The following GNB4 variants were observed in gnomAD, a reference collection of about 807,000 sequenced individuals.
GNB4 encodes guanine nucleotide-binding protein subunit beta-4.
Under a neutral mutation model 45.2 loss-of-function variants are expected in GNB4, and 28 were observed. The observed-to-expected ratio is 0.62, with a 90% confidence interval of 0.46 to 0.85. The LOEUF (loss-of-function observed/expected upper bound fraction) is 0.85. GNB4 is among the 40% of genes least tolerant of loss of function. GNB4 has a pLI of 0.00. For missense variants in GNB4, 321 were observed against 425.4 expected, an observed-to-expected ratio of 0.75 and a Z score of 2.16; for synonymous variants, 132 against 143.7, an observed-to-expected ratio of 0.92 and a Z score of 0.58.
intron 5 of GNB4, 149 bp from the exon 6 acceptor site, chr3:179,415,196 A>G (rs1467786793): frequency 9.1e-6 from 5 of 551,932 alleles, no homozygotes; most frequent in Non-Finnish European, 1.4e-5. Flanking sequence ...GAGAAAGTGA[A>G]CCATGAAAAA....
chr3:179,464,839 G>A, the GNB4 span: 1 of 1,333,582 alleles, frequency 7.5e-7, no homozygotes, highest in South Asian at 1.2e-5. Context: ...CAGGGCGAAT[G>A]TGTTTGGACC....
chr3:179,522,116 C>T, the GNB4 span, among the ~76,000 whole-genome samples: 2 of 152,142 alleles, frequency 1.3e-5, no homozygotes, highest in African/African-American at 4.8e-5. Context: ...GCCATCATAT[C>T]CCCTGTGACC....
chr3:179,468,035 A>AAAAAAAAAAAAAAAAAT, the GNB4 span, among the ~76,000 whole-genome samples: 1 of 89,866 alleles, frequency 1.1e-5, no homozygotes. Context: ...TGTTGATAAA[A>AAAAAAAAAAAAAAAAAT]ATATATATAT....
chr3:179,424,354 A>G (rs1017709408), intron 2 of GNB4, among the ~76,000 whole-genome samples: 12 of 152,234 alleles, frequency 7.9e-5, no homozygotes, highest in African/African-American at 2.9e-4. Context: ...TCGAATTCAG[A>G]GATGAGTCTG....
At chr3:179,509,764 G>A in the GNB4 span, among the ~76,000 whole-genome samples, 1 of 151,378 alleles carries the variant, frequency 6.6e-6, no homozygotes, top group Non-Finnish European at 1.5e-5. Context: ...CCCTGCAGAT[G>A]TGTTTTTGTA....
At chr3:179,420,525 C>G (rs1367809911) in intron 3 of GNB4, among the ~76,000 whole-genome samples, 1 of 150,874 alleles carries the variant, frequency 6.6e-6, no homozygotes, top group East Asian at 1.9e-4. Context: ...TACAATGGTG[C>G]GATCTCAGCT....
chr3:179,524,323 C>T, the GNB4 span, among the ~76,000 whole-genome samples: 2 of 152,102 alleles, frequency 1.3e-5, no homozygotes, highest in Non-Finnish European at 2.9e-5. Context: ...ACACAGATGG[C>T]ACATGGCTTG....
the GNB4 span, among the ~76,000 whole-genome samples, chr3:179,518,028 C>T: frequency 1.3e-5 from 2 of 151,838 alleles, no homozygotes; most frequent in African/African-American, 2.4e-5. Flanking sequence ...AAGCACCCCC[C>T]ATCCCTTCTC....
intron 4 of GNB4, 54 bp downstream of exon 4, chr3:179,419,345 A>T: frequency 9.4e-7 from 1 of 1,068,568 alleles, no homozygotes; most frequent in Non-Finnish European, 1.5e-6. Flanking sequence ...GATGGTTCTT[A>T]ATGAAAATAA....
At chr3:179,430,659 G>T (rs1232113849) in intron 1 of GNB4, among the ~76,000 whole-genome samples, 7 of 133,792 alleles carry the variant, frequency 5.2e-5, no homozygotes, top group African/African-American at 1.2e-4. Context: ...GTCTTGCTAT[G>T]TTGCCCAGGC....
chr3:179,465,405 C>T, the GNB4 span: 158 of 544,016 alleles, frequency 2.9e-4, no homozygotes, highest in African/African-American at 2.8e-3. Context: ...AAACGGAGAC[C>T]ATCCTGGCTA....
the GNB4 span, among the ~76,000 whole-genome samples, chr3:179,523,535 T>C: frequency 6.6e-6 from 1 of 152,142 alleles, no homozygotes; most frequent in East Asian, 1.9e-4. Flanking sequence ...GATCCTGAAC[T>C]AACTTGTAAG....
intron 7 of GNB4, 51 bp from the exon 8 acceptor site, chr3:179,413,664 C>G: frequency 1.2e-6 from 2 of 1,610,620 alleles, no homozygotes; most frequent in Non-Finnish European, 1.7e-6. Flanking sequence ...TATGTCAGTT[C>G]CTGCTACCAC....
chr3:179,488,608 G>A, the GNB4 span, among the ~76,000 whole-genome samples: 1 of 152,032 alleles, frequency 6.6e-6, no homozygotes. Flanking sequence ...TGCTAGATTT[G>A]AAATCGAAAA....
chr3:179,439,670 G>GTAT (rs1715549415), intron 1 of GNB4, among the ~76,000 whole-genome samples: 1 of 152,044 alleles, frequency 6.6e-6, no homozygotes, highest in Non-Finnish European at 1.5e-5. Flanking sequence ...TTCTTCTGCT[G>GTAT]TATTTGTCTA....
At chr3:179,423,940 C>G (rs1033371952) in intron 2 of GNB4, among the ~76,000 whole-genome samples, 1 of 152,030 alleles carries the variant, frequency 6.6e-6, no homozygotes, top group Non-Finnish European at 1.5e-5. Context: ...AAGAGTAATG[C>G]GTGTTCAGGG....
chr3:179,468,544 T>C, the GNB4 span, among the ~76,000 whole-genome samples: 2 of 151,344 alleles, frequency 1.3e-5, no homozygotes, highest in Admixed American at 6.6e-5. Flanking sequence ...CCTGAAACAC[T>C]AATTCAAGCC....
chr3:179,502,223 C>CTTTTCT, the GNB4 span, among the ~76,000 whole-genome samples: 3 of 120,498 alleles, frequency 2.5e-5, no homozygotes. Flanking sequence ...GCTATTTTTT[C>CTTTTCT]TTTTCTTTTT....
chr3:179,499,160 T>A, the GNB4 span, among the ~76,000 whole-genome samples: 1 of 144,534 alleles, frequency 6.9e-6, no homozygotes, highest in South Asian at 2.2e-4. Context: ...ATTTTCTTTT[T>A]TTTTTTTTTT....
Sources: gnomAD v4.1 joint callset for allele counts (sites outside exome capture counted in the v4.1 genomes callset) on GRCh38, gnomAD v4.1.1 for gene constraint, MANE v1.5 for transcripts, NCBI Gene and HGNC (gene_info 2026-07-23, HGNC 2026-07-21) for gene names.